Variants in PHF6 observed in about 807,000 individuals in gnomAD.
PHF6 encodes the protein PHD-like zinc finger protein.
In PHF6, 7 loss-of-function variants were observed where a neutral mutation model predicts 34.0. The ratio of observed to expected loss-of-function variants is 0.21; its 90% CI spans 0.12 to 0.39. The LOEUF is 0.39. PHF6 is among the 10% of genes least tolerant of loss of function. The pLI, the probability that PHF6 is intolerant of heterozygous loss-of-function variation, is 1.00. For synonymous variants in PHF6, 89 were observed against 88.4 expected, an observed-to-expected ratio of 1.01 and a Z score of -0.04; for missense variants, 128 against 262.8, an observed-to-expected ratio of 0.49 and a Z score of 3.55.
intron 5 of PHF6, among the ~76,000 whole-genome samples, chrX:134,401,534 GA>G (rs1029559336): frequency 8.9e-6 from 1 of 111,862 alleles, no homozygotes; most frequent in African/African-American, 3.3e-5. Context: ...AACCTTTCAG[GA>G]AAAAATGTGT....
chrX:134,378,226 C>CTTT, intron 3 of PHF6, 120 bp downstream of exon 3: 1 of 328,491 alleles, frequency 3.0e-6, no homozygotes, highest in Non-Finnish European at 5.0e-6. Context: ...GCAGGCTTTT[C>CTTT]TTTTTTTTTT....
intron 9 of PHF6, chrX:134,419,488 C>T (rs1316599651): frequency 8.9e-6 from 1 of 111,901 alleles, no homozygotes; most frequent in Non-Finnish European, 1.9e-5. Flanking sequence ...CATTTGATAA[C>T]ATTCAACATC....
At chrX:134,416,467 G>A (rs1298356442) in intron 8 of PHF6, among the ~76,000 whole-genome samples, 1 of 110,934 alleles carries the variant, frequency 9.0e-6, no homozygotes, top group African/African-American at 3.3e-5. Context: ...TGCTCCAAAG[G>A]AAGTTAGTCC....
Position 134,378,001 on chromosome X carries a change from A to G in PHF6, c.139-4A>G, listed in dbSNP as rs974120393. On this transcript the variant is annotated splice_polypyrimidine_tract_variant and splice_region_variant and intron_variant, in intron 2 of 10. Coordinates refer to ENST00000370803, the MANE Select transcript of PHF6 (RefSeq NM_001015877.2). The stretch of plus-strand genomic sequence containing the variant: ...CCTTAATTTTTTTTAAATGTAATTT[A>G]TAGCTCTTTTCATCTGCTTTGGTAT... 25 of 1,171,406 alleles carry G rather than the reference A, an allele frequency of 2.1e-5. No individual in the cohort carries two copies. The highest frequency in any genetic ancestry group is 2.8e-5 in the Non-Finnish European group (24 of 867,890).
chrX:134,374,337 C>T (rs765539541), intron 1 of PHF6, among the ~76,000 whole-genome samples: 1 of 112,032 alleles, frequency 8.9e-6, no homozygotes, highest in African/African-American at 3.2e-5. Context: ...CTTTCTCTAC[C>T]CTTGGGTTTG....
chrX:134,387,666 T>A (rs1481684708), intron 3 of PHF6, among the ~76,000 whole-genome samples: 1 of 111,581 alleles, frequency 9.0e-6, no homozygotes, highest in East Asian at 2.8e-4. Flanking sequence ...TCAGATAGAG[T>A]TGGAGTATGT....
At chrX:134,404,888 A>G (rs148832624) in intron 5 of PHF6, among the ~76,000 whole-genome samples, 90 of 112,205 alleles carry the variant, frequency 8.0e-4, no homozygotes, top group Non-Finnish European at 1.3e-3. Flanking sequence ...TAATGCTATT[A>G]TACACTTAGT....
chrX:134,414,771 A>G (rs2077466184), intron 7 of PHF6, among the ~76,000 whole-genome samples: 2 of 112,101 alleles, frequency 1.8e-5, no homozygotes, highest in South Asian at 7.3e-4. Context: ...TGAAATTTTC[A>G]TTGCTTAAAG....
intron 5 of PHF6, among the ~76,000 whole-genome samples, chrX:134,410,912 G>A (rs769819923): frequency 2.4e-4 from 26 of 106,151 alleles, no homozygotes; most frequent in African/African-American, 8.3e-4. Context: ...CAGCCACTGC[G>A]CCCGGCCTTT....
At chrX:134,417,442 T>C (rs1242552805) in intron 9 of PHF6, 140 bp downstream of exon 9, 1 of 601,427 alleles carries the variant, frequency 1.7e-6, no homozygotes, top group East Asian at 3.6e-5. Context: ...AAGGAATGAG[T>C]ACTACAATTG....
At chrX:134,412,624 AAATATT>A (rs1206637267) in intron 5 of PHF6, among the ~76,000 whole-genome samples, 7 of 111,799 alleles carry the variant, frequency 6.3e-5, no homozygotes, top group Non-Finnish European at 1.3e-4. Flanking sequence ...TTTAAACACT[AAATATT>A]AATACATTAT....
At position 134,427,092 on chromosome X, in the gene PHF6, T is replaced by C. The variant is rs1282457098; in HGVS notation, c.*1432T>C. On this transcript the variant is annotated 3_prime_UTR_variant, in exon 11 of 11. Coordinates refer to ENST00000370803, the MANE Select transcript of PHF6 (RefSeq NM_001015877.2). ...TTTTTAAACTGCGAGTCCCTTAAGA[T>C]CACGTTTGTCAAGTGTGTATTCACA... 4 of 164,598 alleles carry C rather than the reference T, an allele frequency of 2.4e-5. No individual in the cohort carries two copies. The highest frequency in any genetic ancestry group is 4.7e-5 in the Non-Finnish European group (4 of 85,284). The allele number at this position is 164,598 out of a possible 1,213,427, so 13.6% of individuals were successfully genotyped here.
intron 5 of PHF6, among the ~76,000 whole-genome samples, chrX:134,404,011 A>G (rs937923137): frequency 8.9e-6 from 1 of 112,289 alleles, no homozygotes; most frequent in Non-Finnish European, 1.9e-5. Context: ...GCATGCTAGT[A>G]CAGCATTCAT....
At chrX:134,384,186 G>A (rs2077320175) in intron 3 of PHF6, among the ~76,000 whole-genome samples, 1 of 111,361 alleles carries the variant, frequency 9.0e-6, no homozygotes, top group Non-Finnish European at 1.9e-5. Context: ...TATTGAGATA[G>A]TTCAGACTGC....
chrX:134,382,259 G>A (rs1163200246), intron 3 of PHF6, among the ~76,000 whole-genome samples: 1 of 111,747 alleles, frequency 8.9e-6, no homozygotes, highest in African/African-American at 3.3e-5. Context: ...ATTTGCCAGA[G>A]TACTAAGGCT....
chrX:134,387,127 G>A, intron 3 of PHF6, among the ~76,000 whole-genome samples: 1 of 111,365 alleles, frequency 9.0e-6, no homozygotes, highest in Middle Eastern at 4.7e-3. Flanking sequence ...AATGTATGCA[G>A]ATATTTTACC....
chrX:134,400,570 A>T (rs1047224485), intron 5 of PHF6, among the ~76,000 whole-genome samples: 2 of 110,306 alleles, frequency 1.8e-5, no homozygotes, highest in Non-Finnish European at 3.8e-5. Context: ...AACGAAGAGG[A>T]TAAGTGGCTC....
intron 5 of PHF6, among the ~76,000 whole-genome samples, chrX:134,398,497 G>C (rs985178230): frequency 8.9e-6 from 1 of 111,951 alleles, no homozygotes; most frequent in African/African-American, 3.2e-5. Flanking sequence ...AACAGCAAGA[G>C]GTAATTGAGG....
intron 3 of PHF6, among the ~76,000 whole-genome samples, chrX:134,390,952 CTTTTTCTTTTTTTCTTTTT>C (rs1268001494): frequency 3.1e-5 from 3 of 97,650 alleles, no homozygotes; most frequent in Non-Finnish European, 4.1e-5. Flanking sequence ...AAACATTTTT[CTTTTTCTTTTTTTCTTTTT>C]TTTTTCTTTT....
Sources: gnomAD v4.1 joint callset for allele counts (sites outside exome capture counted in the v4.1 genomes callset) on GRCh38, gnomAD v4.1.1 for gene constraint, MANE v1.5 for transcripts, NCBI Gene and HGNC (gene_info 2026-07-23, HGNC 2026-07-21) for gene names.